The following ANO4 variants were observed in gnomAD, a reference collection of about 807,000 sequenced individuals.
ANO4 encodes anoctamin 4.
Under a neutral mutation model 141.9 loss-of-function variants are expected in ANO4, and 69 were observed. The ratio of observed to expected loss-of-function variants is 0.49; its 90% confidence interval spans 0.40 to 0.59. The LOEUF (loss-of-function observed/expected upper bound fraction) is 0.59. Among genes scored for constraint, ANO4 ranks in the 20% least tolerant of loss-of-function variants. The pLI is 0.00. For synonymous variants in ANO4, 350 were observed against 394.3 expected (o/e 0.89, Z 1.33); for missense variants, 894 against 1,162.2 (o/e 0.77, Z 3.36).
chr12:101,045,099 T>C (rs956702385), intron 13 of ANO4, among the ~76,000 whole-genome samples: 1 of 152,168 alleles, frequency 6.6e-6, no homozygotes, highest in Non-Finnish European at 1.5e-5. Context: ...TTATGAGTGC[T>C]CAGATTTTAT....
At chr12:100,817,562 A>G (rs554316949) in intron 1 of ANO4, among the ~76,000 whole-genome samples, 17 of 152,088 alleles carry the variant, frequency 1.1e-4, no homozygotes, top group Non-Finnish European at 1.9e-4. Flanking sequence ...TCTCCTTACC[A>G]AAGGATGGGA....
At chr12:100,722,566 C>G (rs561230373) in intron 1 of ANO4, among the ~76,000 whole-genome samples, 201 of 152,282 alleles carry the variant, frequency 1.3e-3, no homozygotes, top group Non-Finnish European at 2.5e-3. Flanking sequence ...CTCTGTCTGA[C>G]TTGGTGCTTC....
Position 101,104,627 on chromosome 12 carries a change from GTATATATATATATATATATA to G in ANO4, c.2149+4932_2149+4951del, listed in dbSNP as rs1167784816. ...TGTGTGTGTGTGTGTATGTATGTGT[GTATATATATATATATATATA>G]TATATATATATATATATATATATAA... On this transcript the variant is annotated intron_variant, in intron 22 of 27. Transcript: ENST00000392977. 6.3e-4 allele frequency among the ~76,000 whole-genome samples: 39 copies of G among 62,058 alleles called. 1 individual carries two copies. The highest frequency in any genetic ancestry group is 8.7e-4 in the Non-Finnish European group (30 of 34,574). The allele number at this position is 62,058 out of a possible 152,430, so 40.7% of individuals were successfully genotyped here. A position where few individuals can be genotyped will look rare whatever the true frequency, so the allele number is the denominator to read the frequency against.
intron 1 of ANO4, among the ~76,000 whole-genome samples, chr12:100,897,757 C>T (rs2040414889): frequency 6.6e-6 from 1 of 152,164 alleles, no homozygotes. Flanking sequence ...CTAGATAGTT[C>T]TTACTAAGGT....
chr12:100,829,137 T>C (rs1179184316), intron 1 of ANO4, among the ~76,000 whole-genome samples: 1 of 152,024 alleles, frequency 6.6e-6, no homozygotes, highest in Non-Finnish European at 1.5e-5. Flanking sequence ...TTAAATAAAT[T>C]AGTAGAGGGA....
chr12:100,743,205 CAT>C (rs1366372652), intron 3 of ANO4, among the ~76,000 whole-genome samples: 1 of 151,598 alleles, frequency 6.6e-6, no homozygotes, highest in Non-Finnish European at 1.5e-5. Context: ...GACGTGATCA[CAT>C]ATGTTTTTGT....
chr12:101,052,755 G>T (rs1401893354), intron 14 of ANO4, among the ~76,000 whole-genome samples: 1 of 152,264 alleles, frequency 6.6e-6, no homozygotes, highest in African/African-American at 2.4e-5. Flanking sequence ...AATGGTAATT[G>T]TATGTTGAAA....
At chr12:100,991,048 C>T (rs1446251740) in intron 8 of ANO4, among the ~76,000 whole-genome samples, 1 of 151,990 alleles carries the variant, frequency 6.6e-6, no homozygotes, top group East Asian at 1.9e-4. Context: ...TGAATCAAAC[C>T]GAAGAACCAG....
At chr12:100,839,943 C>T (rs2135805291) in intron 1 of ANO4, among the ~76,000 whole-genome samples, 1 of 152,144 alleles carries the variant, frequency 6.6e-6, no homozygotes, top group East Asian at 1.9e-4. Flanking sequence ...TCCTATAGTG[C>T]TTGAGAAATG....
intron 5 of ANO4, among the ~76,000 whole-genome samples, chr12:100,959,699 G>A (rs1386692954): frequency 6.6e-6 from 1 of 152,120 alleles, no homozygotes; most frequent in Non-Finnish European, 1.5e-5. Context: ...TCTTGGCTTT[G>A]GTGACATCTC....
rs569013503 is a variant in ANO4 at position 100,918,347 on chromosome 12, AT to A, written c.56-3877del. Among the ~76,000 whole-genome samples, 26 of 152,286 alleles carry A rather than the reference AT, an allele frequency of 1.7e-4. No individual in the cohort carries two copies. In the South Asian group the frequency reaches 5.4e-3, roughly 32 times the overall value. On this transcript the variant is annotated intron_variant, in intron 2 of 27. Coordinates refer to ENST00000392977, the MANE Select transcript of ANO4 (RefSeq NM_001286615.2). ...CTCTCAAAAAAATATTTTTATTCTT[AT>A]TGTGAAAAACATAAAAAAGATAAAG...
At chr12:100,939,869 T>A (rs2042435928) in intron 4 of ANO4, among the ~76,000 whole-genome samples, 1 of 152,188 alleles carries the variant, frequency 6.6e-6, no homozygotes, top group African/African-American at 2.4e-5. Flanking sequence ...GCCTCTGTAA[T>A]CTGGAAACTT....
intron 5 of ANO4, 83 bp from the exon 6 acceptor site, chr12:100,971,223 C>T: frequency 1.1e-6 from 1 of 904,754 alleles, no homozygotes; most frequent in Non-Finnish European, 1.8e-6. Context: ...CTGTCCAGGT[C>T]CATGCATTCT....
At position 101,019,544 on chromosome 12, in the gene ANO4, A is replaced by T. The variant is rs533906210; in HGVS notation, c.735-490A>T. Among the ~76,000 whole-genome samples, 4 of 152,288 alleles carry T rather than the reference A, an allele frequency of 2.6e-5. No individual in the cohort carries two copies. The East Asian group carries it at 7.7e-4, about 29-fold the overall frequency. ...AGGTAAGGACAGAGGTGATTTCCAG[A>T]GACTGGCCTCTCACCTCACCTGTGA... On this transcript the variant is annotated intron_variant, in intron 8 of 27. Coordinates refer to ENST00000392977, the MANE Select transcript of ANO4 (RefSeq NM_001286615.2).
At chr12:100,793,554 A>G (rs896213176), upstream of ANO4, among the ~76,000 whole-genome samples, 2 of 151,888 alleles carry the variant, frequency 1.3e-5, no homozygotes, top group African/African-American at 2.4e-5. Flanking sequence ...AAAACTCTAC[A>G]TCATGTAAGT....
intron 2 of ANO4, among the ~76,000 whole-genome samples, chr12:100,913,438 A>G (rs1288569117): frequency 3.9e-5 from 6 of 152,226 alleles, no homozygotes; most frequent in African/African-American, 1.4e-4. Flanking sequence ...TCATCGTTTC[A>G]GTTACAATAA....
At chr12:100,925,424 G>T (rs371174961) in intron 3 of ANO4, among the ~76,000 whole-genome samples, 1 of 151,672 alleles carries the variant, frequency 6.6e-6, no homozygotes, top group Non-Finnish European at 1.5e-5. Flanking sequence ...GAGAACATGC[G>T]GTGTTTGGTT....
chr12:101,063,420 C>A (rs2048432095), intron 14 of ANO4, among the ~76,000 whole-genome samples: 1 of 152,194 alleles, frequency 6.6e-6, no homozygotes, highest in African/African-American at 2.4e-5. Flanking sequence ...TTCCAAGGAT[C>A]CCACTTCATC....
intron 14 of ANO4, among the ~76,000 whole-genome samples, chr12:101,060,808 G>A (rs771600681): frequency 4.9e-4 from 74 of 152,244 alleles, no homozygotes; most frequent in South Asian, 4.1e-4. Context: ...ACAGCACACA[G>A]ATGGGTGGTC....
Sources: allele counts gnomAD v4.1 joint callset (sites outside exome capture counted in the v4.1 genomes callset), GRCh38; gene constraint gnomAD v4.1.1; transcripts MANE v1.5; gene names NCBI Gene and HGNC (gene_info 2026-07-23, HGNC 2026-07-21).